Variants in PLD5 observed in about 807,000 individuals in gnomAD.
The protein encoded by PLD5 is phospholipase D family member 5.
Under a neutral mutation model 61.1 loss-of-function variants are expected in PLD5, and 36 were observed. The ratio of observed to expected loss-of-function variants is 0.59; its 90% confidence interval spans 0.45 to 0.78. The LOEUF (loss-of-function observed/expected upper bound fraction) is 0.78, where lower values mean the gene tolerates loss of function less well. PLD5 is among the 30% of genes least tolerant of loss of function. The pLI is 0.00. For synonymous variants in PLD5, 243 were observed against 242.8 expected (o/e 1.00, Z -0.01); for missense variants, 515 against 644.4 (o/e 0.80, Z 2.17).
chr1:242,247,006 C>T (rs1249770935), intron 4 of PLD5, among the ~76,000 whole-genome samples: 10 of 137,368 alleles, frequency 7.3e-5, no homozygotes, highest in Admixed American at 3.1e-4. Context: ...TTTTTTGAGA[C>T]GGAGTTTCGC....
intron 5 of PLD5, among the ~76,000 whole-genome samples, chr1:242,201,740 A>G (rs1266779579): frequency 2.0e-5 from 3 of 152,212 alleles, no homozygotes; most frequent in Non-Finnish European, 4.4e-5. Flanking sequence ...AGTTTTGCCA[A>G]TTAGAATTTT....
In PLD5 at chr1:242,202,034, G is replaced by A. The variant is rs530079306; in HGVS notation, c.735+17954C>T. 1.2e-4 allele frequency among the ~76,000 whole-genome samples: 19 copies of A among 152,174 alleles called. 1 individual carries two copies. The East Asian group carries it at 3.7e-3, about 29-fold the overall frequency. On this transcript the variant is annotated intron_variant, in intron 5 of 9. Coordinates refer to ENST00000536534, the MANE Select transcript of PLD5 (RefSeq NM_001372062.1). ...GTTCAAGACCAGCCTGGCCAACATG[G>A]TGAAACCCCATCTCTACTAAAAATA...
intron 4 of PLD5, among the ~76,000 whole-genome samples, chr1:242,241,910 T>TACACTTACTATATATATATATATATATAC (rs1553334448): frequency 2.4e-4 from 12 of 50,404 alleles, no homozygotes; most frequent in African/African-American, 9.8e-4. Flanking sequence ...TATATATATA[T>TACACTTACTATATATATATATATATATAC]ACTTACTGTA....
intron 4 of PLD5, among the ~76,000 whole-genome samples, chr1:242,243,759 G>T (rs1030304679): frequency 2.0e-5 from 3 of 152,040 alleles, no homozygotes; most frequent in Non-Finnish European, 2.9e-5. Flanking sequence ...AAGCTCTCAG[G>T]GCTCCTCTCT....
intron 5 of PLD5, among the ~76,000 whole-genome samples, chr1:242,154,967 T>A (rs896966783): frequency 7.9e-5 from 12 of 152,170 alleles, no homozygotes; most frequent in African/African-American, 2.9e-4. Flanking sequence ...TGTGAATCCA[T>A]CTGGTCCTGG....
At chr1:242,322,494 T>C (rs1427272481) in intron 2 of PLD5, among the ~76,000 whole-genome samples, 1 of 152,220 alleles carries the variant, frequency 6.6e-6, no homozygotes, top group Non-Finnish European at 1.5e-5. Context: ...TATCACTTTA[T>C]AGCATCTGTC....
chr1:242,407,259 C>A lies in PLD5; in HGVS notation c.190-59017G>T, dbSNP rs184530555. ...TTTCCGTCACGATGGTGAGGCCTCC[C>A]CTCAGTTCACCACGTGGAACTGTGA... is the stretch of plus-strand genomic sequence containing the variant. On this transcript the variant is annotated intron_variant, in intron 1 of 9. Coordinates refer to ENST00000536534, the MANE Select transcript of PLD5 (RefSeq NM_001372062.1). Among the ~76,000 whole-genome samples the A allele has an allele frequency of 9.2e-5, 13 of 140,836 alleles. No individual in the cohort carries two copies. In the East Asian group the frequency reaches 2.8e-3, roughly 31 times the overall value. The allele number at this position is 140,836 out of a possible 152,430, so 92.4% of individuals were successfully genotyped here.
In PLD5 at chr1:242,084,924, A is replaced by T. The variant is rs1441735722; in HGVS notation, c.*4930T>A. 6.6e-6 allele frequency: 1 copy of T among 151,956 alleles called. No individual in the cohort carries two copies. The highest frequency in any genetic ancestry group is 2.4e-5 in the African/African-American group (1 of 41,372). 9.4% of individuals were successfully genotyped at this position (151,956 alleles called of 1,614,324 possible). ...CTGATGAGAGACTGATTTGTTTCTG[A>T]GATCAGCTTGAGGAGAAAAAGAAAT... On this transcript the variant is annotated 3_prime_UTR_variant, in exon 10 of 10. Coordinates refer to ENST00000536534, the MANE Select transcript of PLD5 (RefSeq NM_001372062.1).
chr1:242,191,126 G>GTT (rs34902467), intron 5 of PLD5, among the ~76,000 whole-genome samples: 28 of 133,060 alleles, frequency 2.1e-4, no homozygotes, highest in Middle Eastern at 4.0e-3. Flanking sequence ...AAACTATGGA[G>GTT]TTTTTTTTTT....
chr1:242,510,871 T>C (rs2103000682), intron 1 of PLD5, among the ~76,000 whole-genome samples: 1 of 152,108 alleles, frequency 6.6e-6, no homozygotes, highest in Middle Eastern at 3.4e-3. Context: ...CAAATGAAGA[T>C]GTTTCATCTT....
intron 1 of PLD5, among the ~76,000 whole-genome samples, chr1:242,486,550 C>G (rs1296175088): frequency 6.6e-6 from 1 of 152,106 alleles, no homozygotes; most frequent in Non-Finnish European, 1.5e-5. Flanking sequence ...TAAATAAAAA[C>G]TCAGGAAACA....
intron 5 of PLD5, among the ~76,000 whole-genome samples, chr1:242,191,845 A>G (rs1339856938): frequency 6.6e-6 from 1 of 150,808 alleles, no homozygotes; most frequent in East Asian, 2.0e-4. Flanking sequence ...GGGGGTACAG[A>G]CTGGGGCGAA....
At chr1:242,373,430 C>T (rs536575280) in intron 1 of PLD5, among the ~76,000 whole-genome samples, 1 of 152,254 alleles carries the variant, frequency 6.6e-6, no homozygotes, top group East Asian at 1.9e-4. Context: ...TACCATTTGA[C>T]CCAGCAATCC....
At chr1:242,432,494 T>C (rs958519488) in intron 1 of PLD5, among the ~76,000 whole-genome samples, 2 of 152,174 alleles carry the variant, frequency 1.3e-5, no homozygotes, top group African/African-American at 4.8e-5. Context: ...TCAATGCTCA[T>C]AAATGGAAGG....
At chr1:242,368,857 T>A (rs957010744) in intron 1 of PLD5, among the ~76,000 whole-genome samples, 3 of 152,184 alleles carry the variant, frequency 2.0e-5, no homozygotes, top group Admixed American at 2.0e-4. Context: ...TAGAAGAGAA[T>A]TAATTTCTTG....
chr1:242,174,348 G>GA, intron 5 of PLD5, among the ~76,000 whole-genome samples: 1 of 152,330 alleles, frequency 6.6e-6, no homozygotes, highest in Middle Eastern at 3.4e-3. Flanking sequence ...ACCACAATGG[G>GA]ATACCACCTC....
intron 2 of PLD5, among the ~76,000 whole-genome samples, chr1:242,333,758 T>C (rs1053141936): frequency 6.6e-6 from 1 of 152,196 alleles, no homozygotes; most frequent in Non-Finnish European, 1.5e-5. Context: ...GATATTTGTC[T>C]CCCTGTGGTT....
At chr1:242,353,527 A>C (rs1288432227) in intron 1 of PLD5, among the ~76,000 whole-genome samples, 2 of 152,086 alleles carry the variant, frequency 1.3e-5, no homozygotes, top group Admixed American at 1.3e-4. Context: ...GTTCCATATG[A>C]ATTTTAGGAC....
chr1:242,117,920 G>T (rs1662074276), intron 6 of PLD5, among the ~76,000 whole-genome samples: 1 of 152,142 alleles, frequency 6.6e-6, no homozygotes, highest in Admixed American at 6.6e-5. Context: ...TGGAGAAGCT[G>T]AAGATCTTTG....
Sources: gnomAD v4.1 joint callset for allele counts (sites outside exome capture counted in the v4.1 genomes callset) on GRCh38, gnomAD v4.1.1 for gene constraint, MANE v1.5 for transcripts, NCBI Gene and HGNC (gene_info 2026-07-23, HGNC 2026-07-21) for gene names.